The following RTKN2 variants were observed in gnomAD, a reference collection of about 807,000 sequenced individuals.
RTKN2 encodes the protein rhotekin 2.
RTKN2 carries 69 observed loss-of-function variants against 71.5 expected under a neutral mutation model. The observed-to-expected ratio is 0.96, with a 90% CI of 0.79 to 1.18. RTKN2 has a LOEUF of 1.18. Ranked by LOEUF, RTKN2 falls within the 50% of genes most tolerant of loss-of-function variation. The pLI is 0.00. For missense variants in RTKN2, 724 were observed against 719.7 expected (o/e 1.01, Z -0.07); for synonymous variants, 236 against 236.5 (o/e 1.00, Z 0.02).
rs1841271358 is a variant in RTKN2 at position 62,193,869 on chromosome 10, T to C, written c.*4039A>G. 2.0e-6 allele frequency: 2 copies of C among 979,514 alleles called. No homozygotes were observed. The highest frequency in any genetic ancestry group is 2.4e-6 in the Non-Finnish European group (2 of 824,674). 60.7% of individuals were successfully genotyped at this position (979,514 alleles called of 1,614,324 possible). ...TTAATTATACCATGGCTTATCAGAA[T>C]GTTAGTCTTATAATAATTAGCACCA... On this transcript the variant is annotated 3_prime_UTR_variant, in exon 12 of 12. Transcript: ENST00000373789.
At chr10:62,243,474 G>A in intron 3 of RTKN2, among the ~76,000 whole-genome samples, 1 of 151,998 alleles carries the variant, frequency 6.6e-6, no homozygotes, top group Non-Finnish European at 1.5e-5. Flanking sequence ...GATTAACAGA[G>A]CATTAACTAT....
Position 62,196,303 on chromosome 10 carries a change from G to T in RTKN2, c.*1605C>A, listed in dbSNP as rs1344300979. ...TTTACTTTTTAAGGTTTCCATACAT[G>T]TGATGATCTCTACATGCTATCAAGC... On this transcript the variant is annotated 3_prime_UTR_variant, in exon 12 of 12. Transcript: ENST00000373789. The T allele has an allele frequency of 4.1e-6, 4 of 983,386 alleles. No individual in the cohort carries two copies. The African/African-American group carries it at 7.0e-5, about 17-fold the overall frequency. 60.9% of individuals were successfully genotyped at this position (983,386 alleles called of 1,614,324 possible).
chr10:62,210,212 G>A (rs1218187562), intron 9 of RTKN2, among the ~76,000 whole-genome samples: 1 of 152,060 alleles, frequency 6.6e-6, no homozygotes, highest in Non-Finnish European at 1.5e-5. Context: ...AGACTGCCTG[G>A]ATTTTTAACG....
At chr10:62,245,677 CAG>C (rs1374956142) in intron 3 of RTKN2, among the ~76,000 whole-genome samples, 1 of 152,102 alleles carries the variant, frequency 6.6e-6, no homozygotes, top group Non-Finnish European at 1.5e-5. Context: ...AGGAAAGGAA[CAG>C]AGTCAAAAGA....
rs543304232 is a variant in RTKN2, at chr10:62,215,116, T to C, written c.1020+2002A>G. ...ACTTCAAAAATATCATTTGTTTAGA[T>C]TACATTTTATTTTATGACTGAATAT... On this transcript the variant is annotated intron_variant, in intron 9 of 11. Transcript: ENST00000373789. The C allele has an allele frequency of 6.3e-4, 850 of 1,343,342 alleles. 6 individuals carry two copies. The Middle Eastern group carries it at 0.012, about 19-fold the overall frequency. 83.2% of individuals were successfully genotyped at this position (1,343,342 alleles called of 1,614,324 possible).
intron 2 of RTKN2, among the ~76,000 whole-genome samples, chr10:62,259,748 T>G (rs1842739500): frequency 6.6e-6 from 1 of 152,084 alleles, no homozygotes; most frequent in African/African-American, 2.4e-5. Flanking sequence ...GACAGGTTTT[T>G]GCCATGTTGC....
At chr10:62,212,481 T>C (rs1210024459) in intron 9 of RTKN2, among the ~76,000 whole-genome samples, 1 of 152,034 alleles carries the variant, frequency 6.6e-6, no homozygotes, top group Non-Finnish European at 1.5e-5. Flanking sequence ...GCAGGCAGAA[T>C]TGCTTGAGCC....
intron 5 of RTKN2, among the ~76,000 whole-genome samples, chr10:62,236,790 TA>T (rs1222816012): frequency 6.6e-6 from 1 of 151,820 alleles, no homozygotes; most frequent in Non-Finnish European, 1.5e-5. Context: ...CATTCTGCCT[TA>T]AAAAAGGAGA....
intron 2 of RTKN2, among the ~76,000 whole-genome samples, chr10:62,249,266 C>A (rs1479188324): frequency 6.6e-6 from 1 of 151,546 alleles, no homozygotes; most frequent in Non-Finnish European, 1.5e-5. Flanking sequence ...TGTTGAATGA[C>A]ACACATAATT....
chr10:62,265,335 A>T (rs1220027610), intron 1 of RTKN2, among the ~76,000 whole-genome samples: 3 of 152,174 alleles, frequency 2.0e-5, no homozygotes, highest in African/African-American at 7.2e-5. Context: ...GGCAGAGTTG[A>T]GCAACTTCAA....
intron 10 of RTKN2, among the ~76,000 whole-genome samples, chr10:62,203,491 C>T (rs574094478): frequency 3.7e-4 from 56 of 151,982 alleles, no homozygotes; most frequent in African/African-American, 1.3e-3. Flanking sequence ...ACTACAGGCA[C>T]GTGCCATCAC....
Position 62,194,527 on chromosome 10 carries a change from G to A in RTKN2, c.*3381C>T, listed in dbSNP as rs1841284459. On this transcript the variant is annotated 3_prime_UTR_variant, in exon 12 of 12. Coordinates refer to ENST00000373789, the MANE Select transcript of RTKN2 (RefSeq NM_145307.4). The stretch of plus-strand genomic sequence containing the variant: ...GAGTTTTGATAAATTCAGACCACAG[G>A]GACAGATATTTTTCTTGCAGAGCAG... 1 of 984,712 alleles carries A rather than the reference G, an allele frequency of 1.0e-6. No homozygotes were observed. The highest frequency in any genetic ancestry group is 1.2e-6 in the Non-Finnish European group (1 of 829,374). 61.0% of individuals were successfully genotyped at this position (984,712 alleles called of 1,614,324 possible).
chr10:62,246,666 G>C (rs1358415386), intron 2 of RTKN2, among the ~76,000 whole-genome samples: 1 of 151,986 alleles, frequency 6.6e-6, no homozygotes, highest in Non-Finnish European at 1.5e-5. Context: ...AAAATTTAGA[G>C]AGAAAAATAT....
intron 8 of RTKN2, among the ~76,000 whole-genome samples, chr10:62,186,995 T>C (rs944830148): frequency 6.0e-4 from 92 of 152,376 alleles, no homozygotes; most frequent in African/African-American, 2.1e-3. Flanking sequence ...GTGGTTCATT[T>C]AGTCCAAAGC....
chr10:62,235,170 A>C (rs924743212), intron 6 of RTKN2, among the ~76,000 whole-genome samples: 1 of 152,178 alleles, frequency 6.6e-6, no homozygotes, highest in African/African-American at 2.4e-5. Context: ...AAGAAACTTA[A>C]AAGACTCACT....
chr10:62,254,575 A>G (rs373979999), intron 2 of RTKN2, among the ~76,000 whole-genome samples: 6 of 152,190 alleles, frequency 3.9e-5, no homozygotes, highest in African/African-American at 1.4e-4. Flanking sequence ...GGATGTACAT[A>G]TATGTGTATA....
Position 62,196,114 on chromosome 10 carries a change from A to G in RTKN2, c.*1794T>C. The G allele has an allele frequency of 1.0e-6, 1 of 985,256 alleles. No homozygotes were observed. Among genetic ancestry groups the G allele is most frequent in the Non-Finnish European group, 1.2e-6 (1 of 829,776 alleles). The allele number at this position is 985,256 out of a possible 1,614,324, so 61.0% of individuals were successfully genotyped here. ...CCCTGCAGCATCTTCTAGCTCAATAATTTAGTGGCAATGACAGTCACAAAT... is the reference window on the plus strand; with the variant it reads ...CCCTGCAGCATCTTCTAGCTCAATAGTTTAGTGGCAATGACAGTCACAAAT... On this transcript the variant is annotated 3_prime_UTR_variant, in exon 12 of 12. Coordinates refer to ENST00000373789, the MANE Select transcript of RTKN2 (RefSeq NM_145307.4).
At chr10:62,245,858 AAC>A (rs1842469344) in intron 3 of RTKN2, 139 bp downstream of exon 3, 6 of 597,186 alleles carry the variant, frequency 1.0e-5, no homozygotes, top group South Asian at 6.8e-5. Context: ...TAATGCTAAA[AAC>A]AGTGTTTTAG....
Position 62,205,052 on chromosome 10 carries a change from G to C in RTKN2, c.1021-30C>G, listed in dbSNP as rs777067677. 4.7e-5 allele frequency: 73 copies of C among 1,549,994 alleles called. No individual in the cohort carries two copies. The South Asian group carries it at 6.8e-4, about 14-fold the overall frequency. On this transcript the variant is annotated intron_variant, in intron 9 of 11. Coordinates refer to ENST00000373789, the MANE Select transcript of RTKN2 (RefSeq NM_145307.4). ...AAATTAAGAAAAAAATTGGGGTTTT[G>C]CATGAGAAAATTTCTGTAATGATCA... is the stretch of plus-strand genomic sequence containing the variant.
Sources: gnomAD v4.1 joint callset for allele counts (sites outside exome capture counted in the v4.1 genomes callset) on GRCh38, gnomAD v4.1.1 for gene constraint, MANE v1.5 for transcripts, NCBI Gene and HGNC (gene_info 2026-07-23, HGNC 2026-07-21) for gene names.